The following COA1 variants were observed in gnomAD, a reference collection of about 807,000 sequenced individuals.
COA1 encodes the protein cytochrome c oxidase assembly factor 1, also known as cytochrome c oxidase assembly factor 1 homolog.
COA1 carries 13 observed loss-of-function variants against 16.0 expected under a neutral mutation model. The ratio of observed to expected loss-of-function variants is 0.81; its 90% CI spans 0.53 to 1.29. The LOEUF (loss-of-function observed/expected upper bound fraction) is 1.29, where lower values mean the gene tolerates loss of function less well. Ranked by LOEUF, COA1 falls within the 50% of genes most tolerant of loss-of-function variation. COA1 has a pLI of 0.00. For missense variants in COA1, 179 were observed against 177.0 expected (o/e 1.01, Z -0.06); for synonymous variants, 65 against 65.7 (o/e 0.99, Z 0.05).
intron 1 of COA1, among the ~76,000 whole-genome samples, chr7:43,668,590 C>T (rs978703854): frequency 5.3e-5 from 8 of 152,202 alleles, no homozygotes; most frequent in Admixed American, 1.3e-4. Context: ...TTTTTGCCTA[C>T]ATTTTAGACT....
chr7:43,624,207 A>G (rs891813227), intron 6 of COA1, among the ~76,000 whole-genome samples: 1 of 152,226 alleles, frequency 6.6e-6, no homozygotes, highest in Non-Finnish European at 1.5e-5. Context: ...CTCATAATTC[A>G]TGGTTAGTAG....
intron 1 of COA1, among the ~76,000 whole-genome samples, chr7:43,663,400 T>C (rs912810975): frequency 6.6e-6 from 1 of 152,242 alleles, no homozygotes; most frequent in Non-Finnish European, 1.5e-5. Flanking sequence ...GCCACTGATC[T>C]ATTTGTCAAT....
intron 1 of COA1, among the ~76,000 whole-genome samples, chr7:43,682,226 C>G (rs1187226138): frequency 2.0e-5 from 3 of 152,160 alleles, no homozygotes; most frequent in Non-Finnish European, 4.4e-5. Context: ...AAACCATAAA[C>G]AGACCACTAA....
At position 43,647,986 on chromosome 7, in the gene COA1, C is replaced by G. The variant is rs1306119724; in HGVS notation, c.16-352G>C. 3 of 252,210 alleles carry G rather than the reference C, an allele frequency of 1.2e-5. No homozygotes were observed. In the Admixed American group the frequency reaches 1.5e-4, roughly 13 times the overall value. 15.6% of individuals were successfully genotyped at this position (252,210 alleles called of 1,614,324 possible). On this transcript the variant is annotated intron_variant, in intron 2 of 5. Coordinates refer to ENST00000223336, the MANE Select transcript of COA1 (RefSeq NM_018224.4). ...GCCAGGAAGCACAACCACTTTGTCT[C>G]AGGCCAACTGGTAAACAGGAAGCTT...
chr7:43,647,951 G>A, intron 2 of COA1: 1 of 299,486 alleles, frequency 3.3e-6, no homozygotes, highest in South Asian at 7.1e-5. Context: ...TGTGTGCCAA[G>A]CCCCGCATGG....
At chr7:43,670,692 G>A (rs1332874956) in intron 1 of COA1, among the ~76,000 whole-genome samples, 1 of 152,146 alleles carries the variant, frequency 6.6e-6, no homozygotes, top group Non-Finnish European at 1.5e-5. Context: ...GCTATGTGAA[G>A]AAAACAATGT....
intron 1 of COA1, among the ~76,000 whole-genome samples, chr7:43,703,033 T>C (rs2094814008): frequency 2.0e-5 from 3 of 152,232 alleles, no homozygotes; most frequent in Non-Finnish European, 4.4e-5. Context: ...CCAAGGATTC[T>C]AGTATGTTGT....
At chr7:43,636,826 C>T (rs1316616381), downstream of COA1, among the ~76,000 whole-genome samples, 2 of 152,238 alleles carry the variant, frequency 1.3e-5, no homozygotes, top group Admixed American at 1.3e-4. Context: ...TGTCAGTACA[C>T]ATTCAGCACA....
chr7:43,623,498 G>GT, intron 6 of COA1: 5 of 1,332,604 alleles, frequency 3.8e-6, no homozygotes, highest in Non-Finnish European at 4.2e-6. Context: ...CTAATGCTTA[G>GT]TTTTTTATCT....
chr7:43,668,714 G>T (rs2153191220), intron 1 of COA1, among the ~76,000 whole-genome samples: 1 of 152,310 alleles, frequency 6.6e-6, no homozygotes, highest in Non-Finnish European at 1.5e-5. Flanking sequence ...CAATTATCCT[G>T]CAAATTCTGC....
At chr7:43,651,097 T>C (rs1219678583) in intron 1 of COA1, among the ~76,000 whole-genome samples, 1 of 152,208 alleles carries the variant, frequency 6.6e-6, no homozygotes, top group Non-Finnish European at 1.5e-5. Flanking sequence ...AAAAAGGCAC[T>C]GTAGAGGAAT....
At chr7:43,662,046 G>T (rs2092481289) in intron 1 of COA1, among the ~76,000 whole-genome samples, 1 of 152,124 alleles carries the variant, frequency 6.6e-6, no homozygotes, top group Non-Finnish European at 1.5e-5. Context: ...ATACAAAAAG[G>T]TTTACTGATC....
intron 1 of COA1, among the ~76,000 whole-genome samples, chr7:43,710,394 ATTTTT>A (rs2095199805): frequency 7.4e-6 from 1 of 135,390 alleles, no homozygotes; most frequent in Non-Finnish European, 1.6e-5. Context: ...ATATATATAT[ATTTTT>A]AAGATATGTC....
At chr7:43,642,685 G>A (rs1236319685) in intron 4 of COA1, among the ~76,000 whole-genome samples, 1 of 152,186 alleles carries the variant, frequency 6.6e-6, no homozygotes, top group Non-Finnish European at 1.5e-5. Context: ...TGCTTCCATG[G>A]GTAGATGTGA....
intron 1 of COA1, among the ~76,000 whole-genome samples, chr7:43,706,553 T>TAAAAAATA (rs933067697): frequency 3.6e-5 from 5 of 138,594 alleles, no homozygotes; most frequent in Admixed American, 7.3e-5. Flanking sequence ...TCTTAAAAAA[T>TAAAAAATA]AAAAAATAAA....
intron 1 of COA1, among the ~76,000 whole-genome samples, chr7:43,652,885 T>TGGGGGGGGGGGGGGGGGG (rs1204334551): frequency 1.7e-5 from 1 of 57,156 alleles, no homozygotes; most frequent in Non-Finnish European, 3.5e-5. Flanking sequence ...TGGGAGGGGG[T>TGGGGGGGGGGGGGGGGGG]GGGGGGACAG....
chr7:43,641,221 G>A (rs944057765), intron 4 of COA1, among the ~76,000 whole-genome samples: 1 of 150,082 alleles, frequency 6.7e-6, no homozygotes, highest in African/African-American at 2.5e-5. Context: ...TCTACATCTA[G>A]ATAACGGCTT....
At chr7:43,637,452 T>C (rs1372892132), downstream of COA1, among the ~76,000 whole-genome samples, 1 of 152,196 alleles carries the variant, frequency 6.6e-6, no homozygotes, top group Non-Finnish European at 1.5e-5. Flanking sequence ...TCCTGTCTCT[T>C]TATGGGATGT....
Position 43,653,318 on chromosome 7 carries a change from AC to A in COA1, c.-38-4667del, listed in dbSNP as rs1222351422. Among the ~76,000 whole-genome samples the A allele has an allele frequency of 2.4e-4, 36 of 151,954 alleles. 1 individual carries two copies. The highest frequency in any genetic ancestry group is 2.4e-4 in the Non-Finnish European group (16 of 67,932). On this transcript the variant is annotated intron_variant, in intron 1 of 5. Transcript: ENST00000223336. ...CAAAGCGACACTCCGTCTCAAACAA[AC>A]AAAAAAAAAGTATGAACGGCAAAAA...
Sources: gnomAD v4.1 joint callset for allele counts (sites outside exome capture counted in the v4.1 genomes callset) on GRCh38, gnomAD v4.1.1 for gene constraint, MANE v1.5 for transcripts, NCBI Gene and HGNC (gene_info 2026-07-23, HGNC 2026-07-21) for gene names.